Variants in HOXB2 observed in about 807,000 individuals in gnomAD.
The protein encoded by HOXB2 is homeobox protein Hox-B2.
In HOXB2, 14 loss-of-function variants were observed where a neutral mutation model predicts 13.1. The observed-to-expected ratio is 1.07, with a 90% CI of 0.71 to 1.67. The LOEUF is 1.67. HOXB2 is among the 40% of genes most tolerant of loss of function. The pLI is 0.00. For synonymous variants in HOXB2, 261 were observed against 233.1 expected (o/e 1.12, Z -1.09); for missense variants, 582 against 488.3 (o/e 1.19, Z -1.81).
chr17:48,544,329 GACAGA>G (rs1166378330), intron 1 of HOXB2, 187 bp downstream of exon 1: 4 of 1,336,444 alleles, frequency 3.0e-6, no homozygotes, highest in East Asian at 3.0e-5. Flanking sequence ...GAGAGAGAGA[GACAGA>G]AAAAAAAAAA....
chr17:48,544,793 G>A lies in HOXB2; in HGVS notation c.119C>T (p.Ser40Leu), dbSNP rs200260296. Residue 40 changes from serine (S) to leucine (L), a missense_variant, in exon 1 of 2, where the codon TCG becomes TTG. Transcript: ENST00000330070. The part of the protein sequence containing the change: ...ETFQTSSIKE[S>L]TLIPPPPPFE... Reference sequence around the variant, plus strand: ...AGGAGGAGGAGGAGGAATTAATGTCGACTCCTTGATTGATGAAGTTTGAAA... The same window carrying A: ...AGGAGGAGGAGGAGGAATTAATGTCAACTCCTTGATTGATGAAGTTTGAAA... The A allele has an allele frequency of 1.9e-6, 3 of 1,613,904 alleles. No homozygotes were observed. Among genetic ancestry groups the A allele is most frequent in the African/African-American group, 2.7e-5 (2 of 74,868 alleles).
Position 48,543,395 on chromosome 17 carries a change from C to A in HOXB2, c.744G>T (p.Pro248=). 1 of 1,583,310 alleles carries A rather than the reference C, an allele frequency of 6.3e-7. No homozygotes were observed. Among genetic ancestry groups the A allele is most frequent in the African/African-American group, 1.3e-5 (1 of 74,292 alleles). Residue 248 remains proline (P), a synonymous_variant, in exon 2 of 2, where the codon CCG becomes CCT. Transcript: ENST00000330070. ...SRAAWEACCH[P]PEVVPGALSA... ...TTAAGGCCCCCGGCACCACCTCCGG[C>A]GGGTGACAGCAGGCTTCCCACGCCG...
chr17:48,544,645 G>T lies in HOXB2; in HGVS notation c.267C>A (p.Ala89=), dbSNP rs747313372. Residue 89 remains alanine (A), a synonymous_variant, in exon 1 of 2, where the codon GCC becomes GCA. Coordinates refer to ENST00000330070, the MANE Select transcript of HOXB2 (RefSeq NM_002145.4). The part of the protein sequence containing the change: ...PPPPPPPLPA[A]PPAPEFPWMK... Reference sequence around the variant, plus strand: ...TCCAAGGGAACTCGGGGGCCGGGGGGGCAGCGGGGAGTGGCGGCGGCGGTG... The same window carrying T: ...TCCAAGGGAACTCGGGGGCCGGGGGTGCAGCGGGGAGTGGCGGCGGCGGTG... 4.5e-5 allele frequency: 72 copies of T among 1,612,086 alleles called. No homozygotes were observed. Among genetic ancestry groups the T allele is most frequent in the South Asian group, 4.4e-4 (40 of 91,006 alleles).
rs1472833003 is a variant in HOXB2, at chr17:48,543,446, G to A, written c.693C>T (p.Ser231=). The change falls in exon 2 of 2, where the codon AGC becomes AGT. Residue 231 remains serine, a synonymous_variant. Transcript: ENST00000330070. ...ICDPAEEPAA[S]PGGPSASRAA... ...CCCGCGAGGCGGAGGGGCCGCCCGG[G>A]CTGGCCGCGGGTTCCTCGGCAGGGT... 1 of 1,602,296 alleles carries A rather than the reference G, an allele frequency of 6.2e-7. No homozygotes were observed. Among genetic ancestry groups the A allele is most frequent in the Non-Finnish European group, 8.5e-7 (1 of 1,176,062 alleles).
chr17:48,544,634 G>A lies in HOXB2; in HGVS notation c.278C>T (p.Pro93Leu), dbSNP rs751360584. ...PPPLPAAPPAPEFPWMKEKKS... is the reference protein window; with the variant it reads ...PPPLPAAPPALEFPWMKEKKS... The stretch of plus-strand genomic sequence containing the variant: ...CTTCTCTTTCATCCAAGGGAACTCG[G>A]GGGCCGGGGGGGCAGCGGGGAGTGG... The change falls in exon 1 of 2, where the codon CCC (proline) becomes CTC (leucine). Residue 93 changes from proline (P) to leucine (L), a missense_variant. Pro to Leu is a moderately conservative substitution (Grantham distance 98). Transcript: ENST00000330070. The A allele has an allele frequency of 4.3e-6, 7 of 1,611,948 alleles. No individual in the cohort carries two copies. The highest frequency in any genetic ancestry group is 5.9e-6 in the Non-Finnish European group (7 of 1,179,628).
Position 48,544,859 on chromosome 17 carries a change from A to T in HOXB2, c.53T>A (p.Leu18His), listed in dbSNP as rs770679766. ...GGGGAAGGAAGTCAGACACTCGGCG[A>T]GCGACGGCTGGCTGTTTATAAACCC... ...EIGFINSQPS[L>H]AECLTSFPAV... Residue 18 changes from leucine (L) to histidine (H), a missense_variant, in exon 1 of 2, where the codon CTC becomes CAC. Physicochemically the swap from Leu to His is moderately conservative, Grantham distance 99. Coordinates refer to ENST00000330070, the MANE Select transcript of HOXB2 (RefSeq NM_002145.4). 1.2e-6 allele frequency: 2 copies of T among 1,605,590 alleles called. No homozygotes were observed.
rs761424589 is a variant in HOXB2, at chr17:48,543,580, C to G, written c.559G>C (p.Val187Leu). 3 of 1,613,350 alleles carry G rather than the reference C, an allele frequency of 1.9e-6. No individual in the cohort carries two copies. The highest frequency in any genetic ancestry group is 3.3e-5 in the Admixed American group (2 of 60,008). Reference protein sequence around the residue: ...AALLDLTERQVKVWFQNRRMK... With the variant: ...AALLDLTERQLKVWFQNRRMK... ...CGCCGGTTCTGAAACCAGACTTTGA[C>G]CTGCCTTTCGGTGAGGTCCAGCAAG... The change falls in exon 2 of 2, where the codon GTC becomes CTC. Residue 187 changes from valine (V) to leucine (L), a missense_variant. Coordinates refer to ENST00000330070, the MANE Select transcript of HOXB2 (RefSeq NM_002145.4).
Position 48,544,799 on chromosome 17 carries a change from T to C in HOXB2, c.113A>G (p.Lys38Arg). The C allele has an allele frequency of 1.9e-6, 3 of 1,614,044 alleles. No individual in the cohort carries two copies. Among genetic ancestry groups the C allele is most frequent in the Non-Finnish European group, 2.5e-6 (3 of 1,179,992 alleles). Residue 38 changes from lysine (K) to arginine (R), a missense_variant, in exon 1 of 2, where the codon AAG (lysine) becomes AGG (arginine). Lys to Arg is a conservative substitution (Grantham distance 26, BLOSUM62 2). Coordinates refer to ENST00000330070, the MANE Select transcript of HOXB2 (RefSeq NM_002145.4). Reference protein sequence around the residue: ...VLETFQTSSIKESTLIPPPPP... With the variant: ...VLETFQTSSIRESTLIPPPPP... Reference sequence around the variant, plus strand: ...AGGAGGAGGAATTAATGTCGACTCCTTGATTGATGAAGTTTGAAATGTCTC... The same window carrying C: ...AGGAGGAGGAATTAATGTCGACTCCCTGATTGATGAAGTTTGAAATGTCTC...
Position 48,544,968 on chromosome 17 carries a change from A to C in HOXB2, c.-57T>G. On this transcript the variant is annotated 5_prime_UTR_variant, in exon 1 of 2. Coordinates refer to ENST00000330070, the MANE Select transcript of HOXB2 (RefSeq NM_002145.4). ...GGGGGGCGTCAGGAGGGAGGATCGG[A>C]AGGGACCCCCCTCCTGCACCCCCCC... The C allele has an allele frequency of 8.1e-7, 1 of 1,240,588 alleles. No individual in the cohort carries two copies. The highest frequency in any genetic ancestry group is 2.9e-5 in the East Asian group (1 of 34,904). 76.8% of individuals were successfully genotyped at this position (1,240,588 alleles called of 1,614,324 possible).
chr17:48,544,683 C>G lies in HOXB2; in HGVS notation c.229G>C (p.Ala77Pro), dbSNP rs564638156. 45 of 1,613,078 alleles carry G rather than the reference C, an allele frequency of 2.8e-5. No individual in the cohort carries two copies. Among genetic ancestry groups the G allele is most frequent in the Admixed American group, 1.7e-4 (10 of 60,010 alleles). ...GGCGGCGGCGGTGGCGGCGGCAGAG[C>G]AGGCCCATCTTCGGCTCGCTTTTGG... Reference protein sequence around the residue: ...RSQKRAEDGPALPPPPPPPLP... With the variant: ...RSQKRAEDGPPLPPPPPPPLP... The change falls in exon 1 of 2, where the codon GCT becomes CCT. Residue 77 changes from alanine to proline, a missense_variant. By Grantham distance (27) the Ala-to-Pro change is conservative. Coordinates refer to ENST00000330070, the MANE Select transcript of HOXB2 (RefSeq NM_002145.4).
In HOXB2 at chr17:48,543,713, C is replaced by T. The variant is rs922594442; in HGVS notation, c.426G>A (p.Gly142=). 3.7e-6 allele frequency: 6 copies of T among 1,608,518 alleles called. No individual in the cohort carries two copies. The Middle Eastern group carries it at 5.0e-4, about 133-fold the overall frequency. The change falls in exon 2 of 2, where the codon GGG becomes GGA. Residue 142 remains glycine (G), a synonymous_variant. Transcript: ENST00000330070. The part of the protein sequence containing the change: ...GLGLPEAGGG[G]ARRLRTAYTN... ...TGTAAGCCGTGCGCAGCCTGCGCGCCCCGCCGCCACCAGCCTCCGGCAGTC... is the reference window on the plus strand; with the variant it reads ...TGTAAGCCGTGCGCAGCCTGCGCGCTCCGCCGCCACCAGCCTCCGGCAGTC...
Position 48,543,315 on chromosome 17 carries a change from G to C in HOXB2, c.824C>G (p.Pro275Arg). Residue 275 changes from proline (P) to arginine (R), a missense_variant, in exon 2 of 2, where the codon CCC (proline) becomes CGC (arginine). Pro to Arg is a moderately radical substitution (Grantham distance 103). Transcript: ENST00000330070. ...GCCGGCCCCGCGCAGCGCGCAGCCG[G>C]GACTCGACGCGCCTGCGCCCTCTAA... ...VRLEGAGASS[P>R]GCALRGAGGL... The C allele has an allele frequency of 6.2e-7, 1 of 1,600,774 alleles. No individual in the cohort carries two copies. Among genetic ancestry groups the C allele is most frequent in the Non-Finnish European group, 8.5e-7 (1 of 1,177,504 alleles).
chr17:48,543,189 T>C lies in HOXB2; in HGVS notation c.950A>G (p.Gln317Arg). The change falls in exon 2 of 2, where the codon CAG becomes CGG. Residue 317 changes from glutamine (Q) to arginine (R), a missense_variant. Gln to Arg is a conservative substitution (Grantham distance 43). Transcript: ENST00000330070. ...LNFFAADSCL[Q>R]LSGGLSPSLQ... The stretch of plus-strand genomic sequence containing the variant: ...GCTAGGGGAGAGGCCTCCGGATAGC[T>C]GGAGACAGGAGTCGGCCGCGAAGAA... 1 of 1,613,748 alleles carries C rather than the reference T, an allele frequency of 6.2e-7. No individual in the cohort carries two copies.
chr17:48,543,696 G>T lies in HOXB2; in HGVS notation c.443C>A (p.Thr148Lys). 6.2e-7 allele frequency: 1 copy of T among 1,610,614 alleles called. No individual in the cohort carries two copies. Among genetic ancestry groups the T allele is most frequent in the Non-Finnish European group, 8.5e-7 (1 of 1,178,224 alleles). The stretch of plus-strand genomic sequence containing the variant: ...CAGCAGCTGCGTGTTGGTGTAAGCC[G>T]TGCGCAGCCTGCGCGCCCCGCCGCC... ...AGGGGARRLR[T>K]AYTNTQLLEL... Residue 148 changes from threonine to lysine, a missense_variant, in exon 2 of 2, where the codon ACG becomes AAG. By Grantham distance (78) the Thr-to-Lys change is moderately conservative. Coordinates refer to ENST00000330070, the MANE Select transcript of HOXB2 (RefSeq NM_002145.4).
At position 48,542,841 on chromosome 17, in the gene HOXB2, T is replaced by C. The variant is rs73985857; in HGVS notation, c.*227A>G. The C allele has an allele frequency of 0.014, 5,645 of 393,342 alleles. 286 individuals carry two copies. The highest frequency in any genetic ancestry group is 0.1 in the African/African-American group (5,078 of 48,430). The allele number at this position is 393,342 out of a possible 1,614,324, so 24.4% of individuals were successfully genotyped here. A position where few individuals can be genotyped will look rare whatever the true frequency, so the allele number is the denominator to read the frequency against. ...GAGTTTAATTATTCCTGAGATTTCA[T>C]TGGAAGGAGTCTACCAAACGGAATT... On this transcript the variant is annotated 3_prime_UTR_variant, in exon 2 of 2. Coordinates refer to ENST00000330070, the MANE Select transcript of HOXB2 (RefSeq NM_002145.4).
rs2144705409 is a variant in HOXB2, at chr17:48,543,814, C to A, written c.392-67G>T. On this transcript the variant is annotated intron_variant, in intron 1 of 1. Coordinates refer to ENST00000330070, the MANE Select transcript of HOXB2 (RefSeq NM_002145.4). ...TCAGCCCAACCTCAGTTCGGACTACCCCATCCTCCAAAACCAGTATCACCT... is the reference window on the plus strand; with the variant it reads ...TCAGCCCAACCTCAGTTCGGACTACACCATCCTCCAAAACCAGTATCACCT... 3 of 1,496,484 alleles carry A rather than the reference C, an allele frequency of 2.0e-6. No homozygotes were observed. The East Asian group carries it at 7.0e-5, about 35-fold the overall frequency. The allele number at this position is 1,496,484 out of a possible 1,614,324, so 92.7% of individuals were successfully genotyped here. A position where few individuals can be genotyped will look rare whatever the true frequency, so the allele number is the denominator to read the frequency against.
chr17:48,544,004 C>A (rs2068538054), intron 1 of HOXB2: 5 of 1,274,464 alleles, frequency 3.9e-6, no homozygotes, highest in Non-Finnish European at 3.9e-6. Flanking sequence ...CGGCTCCCTT[C>A]GGCGCCGGAA....
rs765276571 is a variant in HOXB2, at chr17:48,543,159, T to G, written c.980A>C (p.Gln327Pro). 6.2e-7 allele frequency: 1 copy of G among 1,613,714 alleles called. No homozygotes were observed. The highest frequency in any genetic ancestry group is 1.1e-5 in the South Asian group (1 of 91,046). Residue 327 changes from glutamine (Q) to proline (P), a missense_variant, in exon 2 of 2, where the codon CAG (glutamine) becomes CCG (proline). Transcript: ENST00000330070. ...AGGGACCGGGCTGTCGAGAGAACCC[T>G]GTAGGCTAGGGGAGAGGCCTCCGGA... ...QLSGGLSPSL[Q>P]GSLDSPVPFS...
chr17:48,543,156 C>T lies in HOXB2; in HGVS notation c.983G>A (p.Gly328Asp). ...LSGGLSPSLQ[G>D]SLDSPVPFSE... Reference sequence around the variant, plus strand: ...AAAAGGGACCGGGCTGTCGAGAGAACCCTGTAGGCTAGGGGAGAGGCCTCC... The same window carrying T: ...AAAAGGGACCGGGCTGTCGAGAGAATCCTGTAGGCTAGGGGAGAGGCCTCC... The change falls in exon 2 of 2, where the codon GGT becomes GAT. Residue 328 changes from glycine (G) to aspartate (D), a missense_variant. Gly to Asp is a moderately conservative substitution (Grantham distance 94). Transcript: ENST00000330070. 1 of 1,613,784 alleles carries T rather than the reference C, an allele frequency of 6.2e-7. No homozygotes were observed. The highest frequency in any genetic ancestry group is 8.5e-7 in the Non-Finnish European group (1 of 1,179,942).
Sources: gnomAD v4.1 joint callset for allele counts on GRCh38, gnomAD v4.1.1 for gene constraint, MANE v1.5 for transcripts, NCBI Gene and HGNC (gene_info 2026-07-23, HGNC 2026-07-21) for gene names.